TULP4: variants seen among roughly 807,000 people sequenced by gnomAD.
The protein encoded by TULP4 is TUB like protein 4.
Under a neutral mutation model 129.0 loss-of-function variants are expected in TULP4, and 16 were observed. The ratio of observed to expected loss-of-function variants is 0.12; its 90% CI spans 0.08 to 0.19. The LOEUF (loss-of-function observed/expected upper bound fraction) is 0.19. TULP4 is among the 10% of genes least tolerant of loss of function. The pLI, the probability that TULP4 is intolerant of heterozygous loss-of-function variation, is 1.00. For synonymous variants in TULP4, 998 were observed against 854.0 expected (o/e 1.17, Z -2.94); for missense variants, 1,842 against 2,059.1 (o/e 0.89, Z 2.04).
intron 2 of TULP4, among the ~76,000 whole-genome samples, chr6:158,428,974 A>G (rs1368443763): frequency 6.6e-6 from 1 of 152,226 alleles, no homozygotes; most frequent in Non-Finnish European, 1.5e-5. Flanking sequence ...GTCAGTTTCA[A>G]TCATTTTTCT....
chr6:158,290,519 A>C (rs1036975735), intron 1 of TULP4, among the ~76,000 whole-genome samples: 1 of 151,426 alleles, frequency 6.6e-6, no homozygotes, highest in Non-Finnish European at 1.5e-5. Context: ...GTACATTTTC[A>C]TTTATTTTTC....
intron 6 of TULP4, among the ~76,000 whole-genome samples, chr6:158,474,322 GTCC>G (rs1452363820): frequency 5.9e-5 from 9 of 152,194 alleles, no homozygotes; most frequent in African/African-American, 7.2e-5. Flanking sequence ...CGGGTAGCCA[GTCC>G]TCAGCCCAAG....
chr6:158,438,556 A>G (rs1778805427), intron 3 of TULP4, among the ~76,000 whole-genome samples: 1 of 146,782 alleles, frequency 6.8e-6, no homozygotes, highest in Admixed American at 7.1e-5. Flanking sequence ...TTCTCAGCTA[A>G]AAACACCACA....
intron 1 of TULP4, among the ~76,000 whole-genome samples, chr6:158,319,654 TTTATA>T (rs1391740372): frequency 6.6e-6 from 1 of 152,198 alleles, no homozygotes; most frequent in Non-Finnish European, 1.5e-5. Flanking sequence ...TAAAATCTGT[TTTATA>T]TTATGTAAGT....
At chr6:158,301,368 C>T (rs966535804) in intron 1 of TULP4, among the ~76,000 whole-genome samples, 46 of 149,412 alleles carry the variant, frequency 3.1e-4, no homozygotes, top group Non-Finnish European at 6.4e-4. Context: ...AGTGACCACC[C>T]AAGAAGTCAT....
intron 1 of TULP4, 98 bp from the exon 2 acceptor site, chr6:158,412,967 A>C: frequency 6.8e-7 from 1 of 1,468,742 alleles, no homozygotes; most frequent in Non-Finnish European, 9.1e-7. Context: ...CCCTTTATTG[A>C]CTGCATTCTA....
chr6:158,503,007 C>G lies in TULP4; in HGVS notation c.3344C>G (p.Thr1115Ser), dbSNP rs760293108. ...CCTCCCCTGCCTGAAGCTGCTGTCA[C>G]CCTGAAACGGCCACCCCCTTACCAG... Reference protein sequence around the residue: ...RHPPLPEAAVTLKRPPPYQWD... With the variant: ...RHPPLPEAAVSLKRPPPYQWD... Residue 1115 changes from threonine to serine, a missense_variant, in exon 13 of 14, where the codon ACC (threonine) becomes AGC (serine). Around this residue, in one of 5 missense-constraint regions of TULP4, gnomAD observed 1,089 missense variants for 987.1 expected, o/e 1.10. Coordinates refer to ENST00000367097, the MANE Select transcript of TULP4 (RefSeq NM_020245.5). The surrounding 1 kb of genome is among the most constrained non-coding windows in gnomAD (Gnocchi z 4.3). 5 of 1,614,082 alleles carry G rather than the reference C, an allele frequency of 3.1e-6. No homozygotes were observed. Among genetic ancestry groups the G allele is most frequent in the Non-Finnish European group, 4.2e-6 (5 of 1,180,004 alleles).
intron 1 of TULP4, chr6:158,242,654 C>T (rs992896605): frequency 1.5e-6 from 1 of 672,792 alleles, no homozygotes; most frequent in Non-Finnish European, 2.8e-6. Flanking sequence ...AACTTCCTTT[C>T]TGGATAAGGC....
chr6:158,351,781 C>T (rs1780531631), intron 1 of TULP4, among the ~76,000 whole-genome samples: 1 of 133,344 alleles, frequency 7.5e-6, no homozygotes, highest in African/African-American at 2.9e-5. Flanking sequence ...TGCAGTGGCG[C>T]CATCTCAGCT....
chr6:158,335,410 T>C (rs1054676584), intron 1 of TULP4, among the ~76,000 whole-genome samples: 1 of 151,452 alleles, frequency 6.6e-6, no homozygotes, highest in African/African-American at 2.4e-5. Flanking sequence ...TACAGTTGTT[T>C]TTGTTTCAGT....
intron 6 of TULP4, among the ~76,000 whole-genome samples, chr6:158,467,561 G>A (rs529954670): frequency 2.6e-5 from 4 of 152,302 alleles, no homozygotes; most frequent in Admixed American, 6.5e-5. Context: ...GATTACAGGC[G>A]TGAGCCACCG....
At chr6:158,489,116 C>T (rs549092768) in intron 8 of TULP4, among the ~76,000 whole-genome samples, 85 of 152,246 alleles carry the variant, frequency 5.6e-4, no homozygotes, top group South Asian at 1.0e-3. Flanking sequence ...CTTTCCAGAC[C>T]TAAGTGGAGG....
intron 11 of TULP4, among the ~76,000 whole-genome samples, chr6:158,496,861 G>A (rs150186935): frequency 6.6e-6 from 1 of 152,278 alleles, no homozygotes; most frequent in Non-Finnish European, 1.5e-5. Flanking sequence ...TTTGGGGGGT[G>A]CAGGGAGATA....
chr6:158,393,687 C>T (rs1052546674), intron 1 of TULP4, among the ~76,000 whole-genome samples: 5 of 152,172 alleles, frequency 3.3e-5, no homozygotes, highest in South Asian at 2.1e-4. Context: ...GGAGCTAGAG[C>T]GGCTGGGACA....
At chr6:158,462,984 C>T (rs1453300274) in intron 6 of TULP4, among the ~76,000 whole-genome samples, 1 of 151,330 alleles carries the variant, frequency 6.6e-6, no homozygotes, top group Non-Finnish European at 1.5e-5. Context: ...GAACTCCCGA[C>T]CTCAGGTGAT....
At chr6:158,253,806 G>A (rs1285935603) in intron 1 of TULP4, among the ~76,000 whole-genome samples, 1 of 152,170 alleles carries the variant, frequency 6.6e-6, no homozygotes, top group African/African-American at 2.4e-5. Context: ...AGGCCAAGGT[G>A]GGCGGATCAC....
rs762406629 is a variant in TULP4 at position 158,503,505 on chromosome 6, C to G, written c.3842C>G (p.Pro1281Arg). The G allele has an allele frequency of 2.5e-6, 4 of 1,613,892 alleles. No individual in the cohort carries two copies. The highest frequency in any genetic ancestry group is 3.4e-6 in the Non-Finnish European group (4 of 1,180,024). Residue 1281 changes from proline to arginine, a missense_variant, in exon 13 of 14, where the codon CCA becomes CGA. Pro to Arg is a moderately radical substitution (Grantham distance 103). This residue lies in a region of TULP4 where 1,089 missense variants were observed against 987.1 expected (regional missense o/e 1.10). Transcript: ENST00000367097. The surrounding 1 kb of genome is among the most constrained non-coding windows in gnomAD (Gnocchi z 4.3). ...PMQNPQGTLP[P>R]KPHLVVEKPL... ...CAGAACCCCCAGGGCACTCTCCCCC[C>G]AAAGCCACACTTGGTGGTGGAGAAG...
At chr6:158,292,686 C>T (rs1370551593) in intron 1 of TULP4, among the ~76,000 whole-genome samples, 1 of 152,142 alleles carries the variant, frequency 6.6e-6, no homozygotes, top group East Asian at 1.9e-4. Context: ...AACCAATACC[C>T]TGTTTGGACA....
intron 1 of TULP4, chr6:158,241,905 T>C: frequency 1.3e-6 from 1 of 767,246 alleles, no homozygotes; most frequent in East Asian, 2.5e-5. Flanking sequence ...CTTTGTTAAA[T>C]TCTATAGCTT....
Sources: allele counts gnomAD v4.1 joint callset (sites outside exome capture counted in the v4.1 genomes callset), GRCh38; gene constraint gnomAD v4.1.1; regional missense constraint gnomAD v4.1.1; non-coding constraint Gnocchi (gnomAD v3.1); transcripts MANE v1.5; gene names NCBI Gene and HGNC (gene_info 2026-07-23, HGNC 2026-07-21).